Variants in EEPD1 observed in about 807,000 individuals in gnomAD.
EEPD1 encodes the protein endonuclease/exonuclease/phosphatase family domain containing 1.
EEPD1 carries 17 observed loss-of-function variants against 46.3 expected under a neutral mutation model. The observed-to-expected ratio is 0.37, with a 90% confidence interval of 0.25 to 0.55. The LOEUF (loss-of-function observed/expected upper bound fraction) is 0.55. Among genes scored for constraint, EEPD1 ranks in the 20% least tolerant of loss-of-function variants. The probability of loss-of-function intolerance (pLI) is 0.83; values close to 1 mark genes in which losing one functional copy is unlikely to be tolerated. For missense variants in EEPD1, 673 were observed against 745.6 expected (o/e 0.90, Z 1.13); for synonymous variants, 313 against 315.6 (o/e 0.99, Z 0.09).
At chr7:36,298,895 C>G in intron 7 of EEPD1, 112 bp from the exon 8 acceptor site, 1 of 1,284,282 alleles carries the variant, frequency 7.8e-7, no homozygotes, top group East Asian at 2.3e-5. Context: ...GCAGCCTCTC[C>G]GGGCACCCCG....
chr7:36,211,363 T>G (rs1174834288), intron 2 of EEPD1, among the ~76,000 whole-genome samples: 1 of 152,180 alleles, frequency 6.6e-6, no homozygotes. Flanking sequence ...CTAGCATTTA[T>G]GAGAATTTAA....
intron 3 of EEPD1, among the ~76,000 whole-genome samples, chr7:36,273,792 C>G (rs968498492): frequency 6.6e-6 from 1 of 152,164 alleles, no homozygotes; most frequent in African/African-American, 2.4e-5. Context: ...TGCAGGGTCC[C>G]AGAGCTCCTC....
rs746872910 is a variant in EEPD1 at position 36,239,032 on chromosome 7, A to G, written c.926A>G (p.Glu309Gly). Residue 309 changes from glutamate to glycine, a missense_variant, in exon 3 of 8, where the codon GAA (glutamate) becomes GGA (glycine). Coordinates refer to ENST00000242108, the MANE Select transcript of EEPD1 (RefSeq NM_030636.3). ...GAACTGCTTGACAGAGAGGCCTTGG[A>G]AAAGGTAAATATTTTACTCTTCCTT... is the stretch of plus-strand genomic sequence containing the variant. ...VQELLDREALEKFCTELNQPT... is the reference protein window; with the variant it reads ...VQELLDREALGKFCTELNQPT... The G allele has an allele frequency of 6.2e-7, 1 of 1,611,540 alleles. No homozygotes were observed. The highest frequency in any genetic ancestry group is 2.2e-5 in the East Asian group (1 of 44,770).
chr7:36,180,405 C>G (rs1302184722), intron 2 of EEPD1, among the ~76,000 whole-genome samples: 1 of 152,156 alleles, frequency 6.6e-6, no homozygotes, highest in Non-Finnish European at 1.5e-5. Flanking sequence ...ATTCTCCATT[C>G]TGGGGGTAGT....
chr7:36,162,883 A>T (rs1784923056), intron 2 of EEPD1, among the ~76,000 whole-genome samples: 1 of 152,190 alleles, frequency 6.6e-6, no homozygotes, highest in Admixed American at 6.5e-5. Flanking sequence ...CCATTGCCAC[A>T]TTTAAGGTTG....
At chr7:36,256,191 T>A (rs196552) in intron 3 of EEPD1, among the ~76,000 whole-genome samples, 35,917 of 152,012 alleles carry the variant, frequency 0.24, 4,419 homozygotes, top group East Asian at 0.38. Context: ...GCTGAGAGAC[T>A]GTTATGATTT....
At position 36,155,101 on chromosome 7, in the gene EEPD1, T is replaced by C. The variant is rs527674970; in HGVS notation, c.777T>C (p.Pro259=). 4 of 1,572,402 alleles carry C rather than the reference T, an allele frequency of 2.5e-6. No homozygotes were observed. In the South Asian group the frequency reaches 4.7e-5, roughly 19 times the overall value. Residue 259 remains proline, a synonymous_variant, in exon 2 of 8, where the codon CCT becomes CCC. Coordinates refer to ENST00000242108, the MANE Select transcript of EEPD1 (RefSeq NM_030636.3). The stretch of plus-strand genomic sequence containing the variant: ...TTGGAGGCACAAGGGATGGGAGGCC[T>C]GTGCTGAGGCTGGCCACCTGGAACT... ...EAFGGTRDGR[P]VLRLATWNLQ...
intron 2 of EEPD1, among the ~76,000 whole-genome samples, chr7:36,204,546 AGACACT>A (rs1785778740): frequency 6.6e-6 from 1 of 152,146 alleles, no homozygotes; most frequent in Non-Finnish European, 1.5e-5. Context: ...CACCTAAGTG[AGACACT>A]GACCTTCCCT....
intron 2 of EEPD1, among the ~76,000 whole-genome samples, chr7:36,191,069 A>G (rs1785453102): frequency 6.6e-6 from 1 of 152,250 alleles, no homozygotes; most frequent in African/African-American, 2.4e-5. Flanking sequence ...CATTTGGGCC[A>G]GGTGGCATAA....
At chr7:36,249,298 C>T (rs1034607877) in intron 3 of EEPD1, among the ~76,000 whole-genome samples, 13 of 152,136 alleles carry the variant, frequency 8.5e-5, no homozygotes, top group African/African-American at 1.9e-4. Context: ...TCAGTGCCCC[C>T]GGCCACTGCT....
rs1786510674 is a variant in EEPD1 at position 36,239,218 on chromosome 7, T to A, written c.930+182T>A. ...GCCCCCTACCTTGCTGACATTGTGT[T>A]CACACCTACAAACTCGGCTGTACCT... On this transcript the variant is annotated intron_variant, in intron 3 of 7. Coordinates refer to ENST00000242108, the MANE Select transcript of EEPD1 (RefSeq NM_030636.3). Among the ~76,000 whole-genome samples, 6 of 152,266 alleles carry A rather than the reference T, an allele frequency of 3.9e-5. No individual in the cohort carries two copies. In the South Asian group the frequency reaches 1.2e-3, roughly 32 times the overall value.
intron 2 of EEPD1, among the ~76,000 whole-genome samples, chr7:36,155,765 C>T (rs1228363699): frequency 6.6e-6 from 1 of 152,114 alleles, no homozygotes; most frequent in Non-Finnish European, 1.5e-5. Context: ...AAAATTGTAG[C>T]CCAAAATGTG....
chr7:36,228,268 G>A (rs1273251517), intron 2 of EEPD1, among the ~76,000 whole-genome samples: 2 of 152,078 alleles, frequency 1.3e-5, no homozygotes, highest in African/African-American at 2.4e-5. Context: ...GTGGCTACCC[G>A]CCCTAATCCC....
intron 2 of EEPD1, among the ~76,000 whole-genome samples, chr7:36,236,088 C>T (rs1284870385): frequency 6.6e-6 from 1 of 152,176 alleles, no homozygotes; most frequent in East Asian, 1.9e-4. Flanking sequence ...CCACACCAGG[C>T]TAACTTTTTG....
At chr7:36,180,898 C>T (rs1056023306) in intron 2 of EEPD1, among the ~76,000 whole-genome samples, 1 of 151,830 alleles carries the variant, frequency 6.6e-6, no homozygotes, top group African/African-American at 2.4e-5. Context: ...GGGTCCCCCT[C>T]AGTCGGCTCC....
At chr7:36,240,334 T>A (rs1318594147) in intron 3 of EEPD1, among the ~76,000 whole-genome samples, 1 of 152,168 alleles carries the variant, frequency 6.6e-6, no homozygotes, top group Non-Finnish European at 1.5e-5. Flanking sequence ...ATAAAGTCTT[T>A]AAAATGAACA....
In EEPD1 at chr7:36,200,606, T is replaced by C. The variant is rs2115701933; in HGVS notation, c.879-38379T>C. Reference sequence around the variant, plus strand: ...ACATTCCAGTTTTCTCTCAAGGACATTGTGGGATGTTAGATTTGTCCTTCA... The same window carrying C: ...ACATTCCAGTTTTCTCTCAAGGACACTGTGGGATGTTAGATTTGTCCTTCA... On this transcript the variant is annotated intron_variant, in intron 2 of 7. Transcript: ENST00000242108. Among the ~76,000 whole-genome samples, 3 of 152,342 alleles carry C rather than the reference T, an allele frequency of 2.0e-5. No individual in the cohort carries two copies. In the Middle Eastern group the frequency reaches 0.01, roughly 518 times the overall value.
At chr7:36,219,800 AGAGAGAGT>A (rs1323959956) in intron 2 of EEPD1, among the ~76,000 whole-genome samples, 52 of 66,604 alleles carry the variant, frequency 7.8e-4, no homozygotes, top group Middle Eastern at 9.3e-3. Flanking sequence ...AGAGAGAGAG[AGAGAGAGT>A]GTGTGTGTGT....
intron 2 of EEPD1, among the ~76,000 whole-genome samples, chr7:36,181,493 G>A (rs1785268712): frequency 6.6e-6 from 1 of 152,148 alleles, no homozygotes; most frequent in African/African-American, 2.4e-5. Context: ...TGACACCTAG[G>A]AGGCAGAAAA....
Sources: gnomAD v4.1 joint callset for allele counts (sites outside exome capture counted in the v4.1 genomes callset) on GRCh38, gnomAD v4.1.1 for gene constraint, MANE v1.5 for transcripts, NCBI Gene and HGNC (gene_info 2026-07-23, HGNC 2026-07-21) for gene names.